LAMB1: variants seen among roughly 807,000 people sequenced by gnomAD.
LAMB1 encodes the protein laminin subunit beta 1.
LAMB1 carries 121 observed loss-of-function variants against 222.3 expected under a neutral mutation model. The observed-to-expected ratio is 0.54, with a 90% CI of 0.47 to 0.63. The LOEUF (loss-of-function observed/expected upper bound fraction) is 0.63, where lower values mean the gene tolerates loss of function less well. Ranked by LOEUF, LAMB1 falls within the 30% of genes least tolerant of loss-of-function variation. The pLI, the probability that LAMB1 is intolerant of heterozygous loss-of-function variation, is 0.00. For synonymous variants in LAMB1, 794 were observed against 807.2 expected (o/e 0.98, Z 0.28); for missense variants, 2,172 against 2,240.8 (o/e 0.97, Z 0.62).
In LAMB1 at chr7:107,923,906, A is replaced by T; in HGVS notation, c.*45T>A. On this transcript the variant is annotated 3_prime_UTR_variant, in exon 34 of 34. Transcript: ENST00000222399. ...AGCATTAAGTCAGTTTTTAAAATGT[A>T]GTTGTTTTACCTTGTTCACCTCAGC... 6.5e-7 allele frequency: 1 copy of T among 1,535,010 alleles called. No homozygotes were observed. Among genetic ancestry groups the T allele is most frequent in the Non-Finnish European group, 8.8e-7 (1 of 1,135,618 alleles).
rs1214221814 is a variant in LAMB1, at chr7:107,961,664, A to T, written c.1870T>A (p.Trp624Arg). 3 of 1,613,324 alleles carry T rather than the reference A, an allele frequency of 1.9e-6. No individual in the cohort carries two copies. In the African/African-American group the frequency reaches 4.0e-5, roughly 22 times the overall value. The part of the protein sequence containing the change: ...IRYEPQLPDH[W>R]EKAVITVQRP... ...TGCACTGTGATGACAGCTTTTTCCC[A>T]GTGGTCGGGTAGCTAGAATAAGAAA... The change falls in exon 16 of 34, where the codon TGG becomes AGG. Residue 624 changes from tryptophan (W) to arginine (R), a missense_variant. By Grantham distance (101) the Trp-to-Arg change is moderately radical (BLOSUM62 -3). Transcript: ENST00000222399.
intron 13 of LAMB1, among the ~76,000 whole-genome samples, 174 bp downstream of exon 13, chr7:107,972,806 ATGTACTTTGACT>A (rs1272955320): frequency 6.6e-6 from 1 of 152,226 alleles, no homozygotes. Flanking sequence ...AAAAATACAT[ATGTACTTTGACT>A]TAGCAGTTCC....
At chr7:107,975,472 T>C in intron 10 of LAMB1, 59 bp from the exon 11 acceptor site, 1 of 1,442,596 alleles carries the variant, frequency 6.9e-7, no homozygotes, top group Non-Finnish European at 9.4e-7. Flanking sequence ...TATCTTTGTA[T>C]AAATACATAT....
At chr7:107,979,483 A>G (rs1269396608) in intron 8 of LAMB1, among the ~76,000 whole-genome samples, 4 of 152,168 alleles carry the variant, frequency 2.6e-5, no homozygotes, top group Admixed American at 2.6e-4. Context: ...TCATTTACTT[A>G]GGGCTCTCTA....
chr7:107,932,126 C>T, intron 28 of LAMB1, 48 bp downstream of exon 28: 1 of 1,548,404 alleles, frequency 6.5e-7, no homozygotes. Context: ...TAGTCCACAG[C>T]TGAAAGCAAA....
At chr7:107,925,678 T>C (rs2032545343) in intron 32 of LAMB1, among the ~76,000 whole-genome samples, 1 of 152,200 alleles carries the variant, frequency 6.6e-6, no homozygotes, top group African/African-American at 2.4e-5. Flanking sequence ...AGTTTTTCTC[T>C]GCAAAATATA....
chr7:107,951,186 ACT>A lies in LAMB1; in HGVS notation c.3391+38_3391+39del, dbSNP rs2033239739. ...CTCTTGTAGAACCCCAGTTCCCTCC[ACT>A]CTCTGATCAAGTCAATGCGAGAACG... On this transcript the variant is annotated intron_variant, in intron 24 of 33. Transcript: ENST00000222399. The A allele has an allele frequency of 7.4e-6, 11 of 1,483,300 alleles. No homozygotes were observed. The East Asian group carries it at 1.8e-4, about 24-fold the overall frequency. 91.9% of individuals were successfully genotyped at this position (1,483,300 alleles called of 1,614,324 possible).
intron 13 of LAMB1, among the ~76,000 whole-genome samples, chr7:107,970,744 T>G (rs2033732807): frequency 6.6e-6 from 1 of 152,072 alleles, no homozygotes; most frequent in Non-Finnish European, 1.5e-5. Flanking sequence ...TTTTTTTTTT[T>G]TCTTTGAGAC....
rs772465663 is a variant in LAMB1 at position 107,935,426 on chromosome 7, C to T, written c.4177G>A (p.Ala1393Thr). The T allele has an allele frequency of 3.8e-5, 61 of 1,595,046 alleles. No individual in the cohort carries two copies. The highest frequency in any genetic ancestry group is 1.1e-4 in the African/African-American group (8 of 70,772). The change falls in exon 27 of 34, where the codon GCT becomes ACT. Residue 1393 changes from alanine to threonine, a missense_variant. Ala to Thr is a moderately conservative substitution (Grantham distance 58). Transcript: ENST00000222399. ...GKLQSLDLSAAAEMTCGTPPG... is the reference protein window; with the variant it reads ...GKLQSLDLSATAEMTCGTPPG... Reference sequence around the variant, plus strand: ...TCCCCAAACCTTACCATTTCGGCAGCGGCTGAAAGGTCTAGGCTTTGTAGC... The same window carrying T: ...TCCCCAAACCTTACCATTTCGGCAGTGGCTGAAAGGTCTAGGCTTTGTAGC...
intron 29 of LAMB1, chr7:107,929,828 T>C: frequency 1.7e-6 from 1 of 587,798 alleles, no homozygotes; most frequent in South Asian, 2.0e-5. Flanking sequence ...GACAATTGAG[T>C]ACTACTAGAA....
In LAMB1 at chr7:108,002,100, G is replaced by A. The variant is rs755878132; in HGVS notation, c.38-367C>T. 1.0e-4 allele frequency: 151 copies of A among 1,483,180 alleles called. 1 individual carries two copies. The highest frequency in any genetic ancestry group is 2.0e-5 in the Non-Finnish European group (22 of 1,114,576). The allele number at this position is 1,483,180 out of a possible 1,614,324, so 91.9% of individuals were successfully genotyped here. A position where few individuals can be genotyped will look rare whatever the true frequency, so the allele number is the denominator to read the frequency against. On this transcript the variant is annotated intron_variant, in intron 2 of 33. Coordinates refer to ENST00000222399, the MANE Select transcript of LAMB1 (RefSeq NM_002291.3). ...CGACGTGTCCGGAGCCCGGCGCAGG[G>A]AGGCTGACCCCCAAAGGGCCACACA...
At chr7:107,928,907 AT>A (rs2032635367) in intron 31 of LAMB1, among the ~76,000 whole-genome samples, 156 bp downstream of exon 31, 1 of 152,146 alleles carries the variant, frequency 6.6e-6, no homozygotes, top group Non-Finnish European at 1.5e-5. Context: ...ATCTCCACTT[AT>A]TTTTAGCATC....
intron 5 of LAMB1, among the ~76,000 whole-genome samples, chr7:107,988,480 A>C (rs2034122772): frequency 6.6e-6 from 1 of 152,184 alleles, no homozygotes; most frequent in African/African-American, 2.4e-5. Flanking sequence ...AGATAAAGAG[A>C]GCCTAAGTCT....
In LAMB1 at chr7:107,937,258, T is replaced by C. The variant is rs1207590770; in HGVS notation, c.3781A>G (p.Thr1261Ala). The C allele has an allele frequency of 6.2e-7, 1 of 1,613,510 alleles. No homozygotes were observed. The highest frequency in any genetic ancestry group is 1.7e-5 in the Admixed American group (1 of 60,030). Residue 1261 changes from threonine to alanine, a missense_variant, in exon 26 of 34, where the codon ACA becomes GCA. Coordinates refer to ENST00000222399, the MANE Select transcript of LAMB1 (RefSeq NM_002291.3). ...ACTTCTACTTGAGCCATCATTTCTG[T>C]AACATCTTTAATCAGTTTCCTGTAA... ...EEAEKLIKDVTEMMAQVEVKL... is the reference protein window; with the variant it reads ...EEAEKLIKDVAEMMAQVEVKL...
At chr7:107,963,085 G>T (rs1317567720) in intron 14 of LAMB1, 22 bp from the exon 15 acceptor site, 2 of 1,564,260 alleles carry the variant, frequency 1.3e-6, no homozygotes, top group Admixed American at 1.9e-5. Context: ...GCAAACAATG[G>T]TTATTCTGTA....
At chr7:108,001,994 C>G (rs2034397085) in intron 2 of LAMB1, 1 of 1,444,274 alleles carries the variant, frequency 6.9e-7, no homozygotes, top group Non-Finnish European at 9.1e-7. Flanking sequence ...TCCCGGGAAA[C>G]CCACCGACGC....
intron 27 of LAMB1, among the ~76,000 whole-genome samples, chr7:107,934,930 G>A (rs2032804240): frequency 6.7e-6 from 1 of 150,122 alleles, no homozygotes; most frequent in South Asian, 2.1e-4. Flanking sequence ...AGCGGGGGTG[G>A]GGGTGGGCTG....
At chr7:107,964,519 C>G (rs772472598) in intron 14 of LAMB1, 33 bp downstream of exon 14, 40 of 1,613,496 alleles carry the variant, frequency 2.5e-5, no homozygotes, top group Non-Finnish European at 3.3e-5. Flanking sequence ...CAAAACACTG[C>G]TTTACCGACC....
chr7:107,935,347 G>GTTTTTTTTTTTTTTTTTTTTTTTT lies in LAMB1; in HGVS notation c.4188+44_4188+67dup, dbSNP rs200599445. On this transcript the variant is annotated intron_variant, in intron 27 of 33. Transcript: ENST00000222399. ...GACAAAAGATGGTTTGTTTTTCTTT[G>GTTTTTTTTTTTTTTTTTTTTTTTT]TTTTTTTTTTTTTTTTTTTTTTTTT... The GTTTTTTTTTTTTTTTTTTTTTTTT allele has an allele frequency of 1.8e-5, 21 of 1,173,272 alleles. 3 individuals are homozygous for GTTTTTTTTTTTTTTTTTTTTTTTT. The African/African-American group carries it at 5.1e-4, about 28-fold the overall frequency. 72.7% of individuals were successfully genotyped at this position (1,173,272 alleles called of 1,614,324 possible).
Sources: allele counts gnomAD v4.1 joint callset (sites outside exome capture counted in the v4.1 genomes callset), GRCh38; gene constraint gnomAD v4.1.1; transcripts MANE v1.5; gene names NCBI Gene and HGNC (gene_info 2026-07-23, HGNC 2026-07-21).